EMCN: variants seen among roughly 807,000 people sequenced by gnomAD.
EMCN encodes endomucin, also known as MUC-14.
EMCN carries 37 observed loss-of-function variants against 38.4 expected under a neutral mutation model. That is an observed-to-expected ratio of 0.96 (90% CI 0.74 to 1.27). The LOEUF (loss-of-function observed/expected upper bound fraction) is 1.27, where lower values mean the gene tolerates loss of function less well. Among genes scored for constraint, EMCN ranks in the 50% most tolerant of loss-of-function variants. The probability of loss-of-function intolerance (pLI) is 0.00; values close to 1 mark genes in which losing one functional copy is unlikely to be tolerated. For synonymous variants in EMCN, 95 were observed against 100.8 expected (o/e 0.94, Z 0.35); for missense variants, 318 against 302.8 (o/e 1.05, Z -0.37).
intron 3 of EMCN, among the ~76,000 whole-genome samples, chr4:100,468,088 C>T (rs1440108889): frequency 6.6e-6 from 1 of 152,026 alleles, no homozygotes; most frequent in Non-Finnish European, 1.5e-5. Flanking sequence ...AGGTGGGACA[C>T]ATTAAAGACA....
At chr4:100,499,727 C>T (rs1729299378) in intron 1 of EMCN, among the ~76,000 whole-genome samples, 1 of 152,136 alleles carries the variant, frequency 6.6e-6, no homozygotes, top group South Asian at 2.1e-4. Flanking sequence ...AGCCACAAAT[C>T]CTTGGGGTCA....
chr4:100,428,896 A>C (rs1042712701), intron 5 of EMCN, among the ~76,000 whole-genome samples: 5 of 152,152 alleles, frequency 3.3e-5, no homozygotes, highest in Non-Finnish European at 7.4e-5. Flanking sequence ...CATATCCCAA[A>C]ATTGATAGAT....
rs201708187 is a variant in EMCN at position 100,411,680 on chromosome 4, A to AT, written c.752-1326dup. Among the ~76,000 whole-genome samples, 554 of 152,204 alleles carry AT rather than the reference A, an allele frequency of 3.6e-3. 7 individuals are homozygous for AT. Among genetic ancestry groups the AT allele is most frequent in the African/African-American group, 0.013 (523 of 41,538 alleles). ...AGTTTTAAATTCTTTTTTATTCTCT[A>AT]TTTTTTTCTATTTTTCATTATGCAT... On this transcript the variant is annotated intron_variant, in intron 10 of 11. Transcript: ENST00000296420.
intron 11 of EMCN, among the ~76,000 whole-genome samples, chr4:100,400,633 T>C (rs1726232060): frequency 1.3e-5 from 2 of 152,162 alleles, no homozygotes; most frequent in Admixed American, 1.3e-4. Flanking sequence ...TGAGCCATAC[T>C]CCTCCATAGA....
intron 10 of EMCN, among the ~76,000 whole-genome samples, chr4:100,413,193 G>A (rs532680759): frequency 3.3e-5 from 5 of 152,182 alleles, no homozygotes; most frequent in African/African-American, 1.2e-4. Context: ...TATTTCTTAG[G>A]TCTTGAAACA....
chr4:100,509,508 C>T (rs1729569126), intron 1 of EMCN, among the ~76,000 whole-genome samples: 1 of 152,140 alleles, frequency 6.6e-6, no homozygotes, highest in African/African-American at 2.4e-5. Flanking sequence ...TGGCTTTGAG[C>T]TCATTAATGT....
intron 5 of EMCN, among the ~76,000 whole-genome samples, chr4:100,432,477 A>T (rs1338406116): frequency 6.6e-6 from 1 of 152,138 alleles, no homozygotes; most frequent in Non-Finnish European, 1.5e-5. Context: ...TCCATGTATC[A>T]TTCCTCTTTT....
At chr4:100,460,822 GC>G (rs1306440918) in intron 4 of EMCN, among the ~76,000 whole-genome samples, 1 of 152,204 alleles carries the variant, frequency 6.6e-6, no homozygotes, top group African/African-American at 2.4e-5. Context: ...GTCTAATTAT[GC>G]TTTTGTTGCC....
intron 1 of EMCN, among the ~76,000 whole-genome samples, chr4:100,500,263 A>G (rs1453974398): frequency 6.6e-6 from 1 of 152,140 alleles, no homozygotes; most frequent in Non-Finnish European, 1.5e-5. Flanking sequence ...ATCTTTCCCC[A>G]ATAAGACTTT....
At chr4:100,475,174 A>T in intron 2 of EMCN, 65 bp from the exon 3 acceptor site, 1 of 850,600 alleles carries the variant, frequency 1.2e-6, no homozygotes, top group South Asian at 2.4e-5. Context: ...CAATAAATAA[A>T]GTAAGTTAAA....
chr4:100,423,266 A>G (rs750345292), intron 6 of EMCN, 46 bp downstream of exon 6: 9 of 1,471,146 alleles, frequency 6.1e-6, no homozygotes, highest in Non-Finnish European at 8.6e-6. Flanking sequence ...CAGTCAAGAA[A>G]GGGTCAGGTA....
At chr4:100,458,002 A>G (rs1728066022) in intron 4 of EMCN, among the ~76,000 whole-genome samples, 1 of 152,046 alleles carries the variant, frequency 6.6e-6, no homozygotes, top group Admixed American at 6.6e-5. Context: ...CTGTAATCCC[A>G]GCTACTCGGG....
intron 5 of EMCN, among the ~76,000 whole-genome samples, chr4:100,445,123 C>A (rs1243352522): frequency 6.6e-6 from 1 of 152,102 alleles, no homozygotes; most frequent in African/African-American, 2.4e-5. Flanking sequence ...ATTTCTGCTG[C>A]TGTTCTCCAG....
intron 2 of EMCN, among the ~76,000 whole-genome samples, 175 bp downstream of exon 2, chr4:100,479,742 T>C (rs1728756291): frequency 6.6e-6 from 1 of 152,048 alleles, no homozygotes; most frequent in Non-Finnish European, 1.5e-5. Flanking sequence ...CCCACTGAGA[T>C]CTCAGGGTTT....
At chr4:100,421,717 A>G (rs1578401448) in intron 7 of EMCN, among the ~76,000 whole-genome samples, 1 of 152,026 alleles carries the variant, frequency 6.6e-6, no homozygotes, top group Admixed American at 6.6e-5. Context: ...CACTCATTAC[A>G]TTTTTTAGTA....
chr4:100,495,803 A>T (rs1323287869), intron 1 of EMCN, among the ~76,000 whole-genome samples: 1 of 152,094 alleles, frequency 6.6e-6, no homozygotes, highest in Non-Finnish European at 1.5e-5. Context: ...CTACTAATGC[A>T]GTACTTGATT....
At chr4:100,469,296 G>A (rs2110267855) in intron 3 of EMCN, among the ~76,000 whole-genome samples, 1 of 152,084 alleles carries the variant, frequency 6.6e-6, no homozygotes, top group South Asian at 2.1e-4. Flanking sequence ...GAGAAGATAG[G>A]GGCAAATCTC....
intron 2 of EMCN, among the ~76,000 whole-genome samples, chr4:100,477,212 C>G (rs1342162654): frequency 6.6e-6 from 1 of 152,260 alleles, no homozygotes; most frequent in Middle Eastern, 3.4e-3. Flanking sequence ...AAATACTAGA[C>G]TATTCAATGT....
At chr4:100,465,772 T>G (rs1034189344) in intron 3 of EMCN, among the ~76,000 whole-genome samples, 5 of 152,196 alleles carry the variant, frequency 3.3e-5, no homozygotes, top group African/African-American at 9.6e-5. Context: ...CTCACTTGAT[T>G]GTCATGGTAA....
Sources: gnomAD v4.1 joint callset for allele counts (sites outside exome capture counted in the v4.1 genomes callset) on GRCh38, gnomAD v4.1.1 for gene constraint, MANE v1.5 for transcripts, NCBI Gene and HGNC (gene_info 2026-07-23, HGNC 2026-07-21) for gene names.